The following TRIP4 variants were observed in gnomAD, a reference collection of about 807,000 sequenced individuals.
TRIP4 encodes the protein thyroid hormone receptor interactor 4, also known as activating signal cointegrator 1.
Under a neutral mutation model 81.8 loss-of-function variants are expected in TRIP4, and 54 were observed. The ratio of observed to expected loss-of-function variants is 0.66; its 90% CI spans 0.53 to 0.83. The LOEUF (loss-of-function observed/expected upper bound fraction) is 0.83, where lower values mean the gene tolerates loss of function less well. Among genes scored for constraint, TRIP4 ranks in the 40% least tolerant of loss-of-function variants. The probability of loss-of-function intolerance (pLI) is 0.00; values close to 1 mark genes in which losing one functional copy is unlikely to be tolerated. For missense variants in TRIP4, 662 were observed against 683.6 expected, an observed-to-expected ratio of 0.97 and a Z score of 0.35; for synonymous variants, 270 against 242.8, an observed-to-expected ratio of 1.11 and a Z score of -1.04.
At chr15:64,409,530 A>T in intron 6 of TRIP4, 83 bp from the exon 7 acceptor site, 2 of 1,319,238 alleles carry the variant, frequency 1.5e-6, no homozygotes, top group Non-Finnish European at 2.2e-6. Flanking sequence ...TTGAGATATT[A>T]AGTTACCTTG....
chr15:64,395,374 A>ATT, intron 2 of TRIP4, 24 bp from the exon 3 acceptor site: 25 of 1,193,396 alleles, frequency 2.1e-5, no homozygotes, highest in Admixed American at 1.1e-4. Flanking sequence ...GTGTGTGTGT[A>ATT]TTTTTTTTTT....
intron 8 of TRIP4, 136 bp from the exon 9 acceptor site, chr15:64,418,405 C>T: frequency 4.9e-6 from 5 of 1,012,786 alleles, no homozygotes; most frequent in Non-Finnish European, 5.5e-6. Flanking sequence ...AGCCACGATG[C>T]CCGGCCTGGG....
intron 5 of TRIP4, among the ~76,000 whole-genome samples, chr15:64,403,505 A>G (rs1468820351): frequency 2.6e-5 from 4 of 152,142 alleles, no homozygotes; most frequent in Non-Finnish European, 4.4e-5. Flanking sequence ...ATTACTCACT[A>G]CTTACGCAAA....
chr15:64,451,524 T>C (rs1465073675), intron 12 of TRIP4, among the ~76,000 whole-genome samples: 2 of 140,302 alleles, frequency 1.4e-5, no homozygotes, highest in Non-Finnish European at 3.0e-5. Flanking sequence ...CAGGCTGAAG[T>C]GTAGTGGTGT....
chr15:64,454,352 A>G, intron 12 of TRIP4, among the ~76,000 whole-genome samples: 1 of 152,152 alleles, frequency 6.6e-6, no homozygotes, highest in Non-Finnish European at 1.5e-5. Context: ...ATCTGAGAAG[A>G]GGTCAGAGAC....
At position 64,425,488 on chromosome 15, in the gene TRIP4, C is replaced by G; in HGVS notation, c.1484-52C>G. ...GAATTGAAAACAGATTCCTGAGTTCCAAGATCACAAAGAAGGAAATTTATT... is the reference window on the plus strand; with the variant it reads ...GAATTGAAAACAGATTCCTGAGTTCGAAGATCACAAAGAAGGAAATTTATT... On this transcript the variant is annotated intron_variant, in intron 10 of 12. Transcript: ENST00000261884. 6 of 1,469,462 alleles carry G rather than the reference C, an allele frequency of 4.1e-6. No individual in the cohort carries two copies. In the South Asian group the frequency reaches 7.2e-5, roughly 18 times the overall value. 91.0% of individuals were successfully genotyped at this position (1,469,462 alleles called of 1,614,324 possible). A position where few individuals can be genotyped will look rare whatever the true frequency, so the allele number is the denominator to read the frequency against.
At chr15:64,425,231 A>G (rs1197032605) in intron 10 of TRIP4, among the ~76,000 whole-genome samples, 1 of 151,934 alleles carries the variant, frequency 6.6e-6, no homozygotes, top group Non-Finnish European at 1.5e-5. Context: ...CTCCAATCTG[A>G]TCCAATGGCG....
chr15:64,390,986 G>C (rs573302103), intron 1 of TRIP4, among the ~76,000 whole-genome samples: 3 of 152,238 alleles, frequency 2.0e-5, no homozygotes, highest in African/African-American at 4.8e-5. Context: ...CATTTGTTAG[G>C]TATTCACTAG....
At chr15:64,414,010 C>G in intron 7 of TRIP4, 75 bp from the exon 8 acceptor site, 1 of 1,535,626 alleles carries the variant, frequency 6.5e-7, no homozygotes, top group South Asian at 1.2e-5. Flanking sequence ...ACTATTAAAG[C>G]ATTTTATGTT....
intron 5 of TRIP4, 104 bp from the exon 6 acceptor site, chr15:64,406,226 C>T: frequency 7.0e-7 from 1 of 1,423,148 alleles, no homozygotes. Flanking sequence ...TCCAGGCCAT[C>T]AGGCCAGAAC....
intron 10 of TRIP4, 75 bp from the exon 11 acceptor site, chr15:64,425,465 A>C (rs1324504170): frequency 7.9e-6 from 10 of 1,264,784 alleles, no homozygotes; most frequent in Non-Finnish European, 1.1e-5. Context: ...TTTGTTCAGA[A>C]TTGAAAACAG....
In TRIP4 at chr15:64,393,977, A is replaced by G. The variant is rs1227658938; in HGVS notation, c.133A>G (p.Ile45Val). The G allele has an allele frequency of 6.2e-7, 1 of 1,606,764 alleles. No homozygotes were observed. Among genetic ancestry groups the G allele is most frequent in the Non-Finnish European group, 8.5e-7 (1 of 1,177,090 alleles). ...TTTGTCAATTGAGAGTGCTGAAGAG[A>G]TACGAGAATATGTTACTGATCTCCT... ...YVLSIESAEE[I>V]REYVTDLLQG... Residue 45 changes from isoleucine to valine, a missense_variant, in exon 2 of 13, where the codon ATA becomes GTA. Physicochemically the swap from Ile to Val is conservative, Grantham distance 29. Coordinates refer to ENST00000261884, the MANE Select transcript of TRIP4 (RefSeq NM_016213.5).
chr15:64,429,026 G>C (rs1469108996), intron 11 of TRIP4, among the ~76,000 whole-genome samples: 1 of 151,902 alleles, frequency 6.6e-6, no homozygotes, highest in Non-Finnish European at 1.5e-5. Flanking sequence ...AAAAGTTGTA[G>C]CTTTTGGGTT....
intron 9 of TRIP4, among the ~76,000 whole-genome samples, chr15:64,421,715 C>G (rs1039488686): frequency 2.6e-5 from 4 of 152,156 alleles, no homozygotes; most frequent in African/African-American, 9.6e-5. Context: ...CTACAGTATT[C>G]TGTACAGTAA....
intron 11 of TRIP4, among the ~76,000 whole-genome samples, chr15:64,436,119 A>G (rs1160443958): frequency 6.6e-6 from 1 of 151,976 alleles, no homozygotes; most frequent in East Asian, 1.9e-4. Flanking sequence ...ACATGATGAA[A>G]CCCTGTCTCT....
intron 11 of TRIP4, among the ~76,000 whole-genome samples, chr15:64,432,379 C>T (rs1284983065): frequency 6.6e-6 from 1 of 151,832 alleles, no homozygotes; most frequent in Non-Finnish European, 1.5e-5. Flanking sequence ...TTTGGGAGAC[C>T]GATGCAGGCG....
At chr15:64,453,519 G>T (rs1057412621) in intron 12 of TRIP4, among the ~76,000 whole-genome samples, 1 of 152,180 alleles carries the variant, frequency 6.6e-6, no homozygotes, top group Non-Finnish European at 1.5e-5. Context: ...TTGCCAGATG[G>T]CTGGCACATG....
chr15:64,432,003 C>T (rs1452467033), intron 11 of TRIP4, among the ~76,000 whole-genome samples: 3 of 147,738 alleles, frequency 2.0e-5, no homozygotes, highest in African/African-American at 7.4e-5. Context: ...TCTCCTGCCT[C>T]AGCCTCCTGA....
At chr15:64,422,901 G>A (rs562898715) in intron 9 of TRIP4, among the ~76,000 whole-genome samples, 1 of 152,244 alleles carries the variant, frequency 6.6e-6, no homozygotes, top group South Asian at 2.1e-4. Flanking sequence ...CCTACTGTGT[G>A]CCTGGCACTC....
Sources: gnomAD v4.1 joint callset for allele counts (sites outside exome capture counted in the v4.1 genomes callset) on GRCh38, gnomAD v4.1.1 for gene constraint, MANE v1.5 for transcripts, NCBI Gene and HGNC (gene_info 2026-07-23, HGNC 2026-07-21) for gene names.